FGD3: variants seen among roughly 807,000 people sequenced by gnomAD.
FGD3 encodes FYVE, RhoGEF and PH domain containing 3.
In FGD3, 45 loss-of-function variants were observed where a neutral mutation model predicts 71.8. The ratio of observed to expected loss-of-function variants is 0.63; its 90% CI spans 0.49 to 0.80. The LOEUF (loss-of-function observed/expected upper bound fraction) is 0.80. Ranked by LOEUF, FGD3 falls within the 30% of genes least tolerant of loss-of-function variation. The pLI is 0.00. For missense variants in FGD3, 844 were observed against 951.5 expected (o/e 0.89, Z 1.49); for synonymous variants, 378 against 392.8 (o/e 0.96, Z 0.44).
chr9:92,962,127 C>T (rs2118519343), intron 1 of FGD3, among the ~76,000 whole-genome samples: 1 of 152,330 alleles, frequency 6.6e-6, no homozygotes, highest in East Asian at 1.9e-4. Flanking sequence ...TCACCCCAAC[C>T]AGGGACGACA....
intron 13 of FGD3, among the ~76,000 whole-genome samples, chr9:93,021,562 C>T (rs1470256147): frequency 6.6e-6 from 1 of 152,144 alleles, no homozygotes; most frequent in African/African-American, 2.4e-5. Flanking sequence ...AGACGGTGCC[C>T]TGAACCCTAT....
In FGD3 at chr9:93,003,799, A is replaced by C. The variant is rs1476903489; in HGVS notation, c.544-202A>C. 6.6e-6 allele frequency among the ~76,000 whole-genome samples: 1 copy of C among 152,234 alleles called. No individual in the cohort carries two copies. The highest frequency in any genetic ancestry group is 1.5e-5 in the Non-Finnish European group (1 of 68,024). ...CCTGCCTCACCCACATTCGTAAGTC[A>C]TAAGTGAGCTTGCATTAAGACCATG... On this transcript the variant is annotated intron_variant, in intron 4 of 17. Transcript: ENST00000375482. The surrounding 1 kb of genome is among the most constrained non-coding windows in gnomAD (Gnocchi z 4.1).
chr9:92,964,053 G>A (rs1233947602), intron 1 of FGD3: 1 of 152,436 alleles, frequency 6.6e-6, no homozygotes, highest in African/African-American at 2.4e-5. Flanking sequence ...GTGGTTGTGG[G>A]TCCTCTGTGA....
At chr9:92,981,261 G>A (rs532785269) in intron 3 of FGD3, among the ~76,000 whole-genome samples, 17 of 151,734 alleles carry the variant, frequency 1.1e-4, no homozygotes, top group African/African-American at 3.1e-4. Flanking sequence ...CCAGCTACTC[G>A]GGAGGCTGAG....
chr9:93,010,482 G>C, intron 7 of FGD3, 98 bp downstream of exon 7: 1 of 1,313,656 alleles, frequency 7.6e-7, no homozygotes, highest in Non-Finnish European at 1.0e-6. Flanking sequence ...GGGGTCATGG[G>C]GGTAGGGGAG....
chr9:92,995,237 TTGTGAA>T (rs1304199089), intron 3 of FGD3, among the ~76,000 whole-genome samples: 1 of 152,190 alleles, frequency 6.6e-6, no homozygotes, highest in African/African-American at 2.4e-5. Context: ...TTTGAAGCAA[TTGTGAA>T]TGGGAGTTCA....
At chr9:92,966,769 C>A (rs1859343018) in intron 1 of FGD3, among the ~76,000 whole-genome samples, 1 of 152,208 alleles carries the variant, frequency 6.6e-6, no homozygotes, top group Non-Finnish European at 1.5e-5. Flanking sequence ...CCCCTGGACA[C>A]CCCCAGCTGG....
chr9:92,971,566 C>CTTTTTTTTTTTTTTTTTTTTT (rs869043960), intron 1 of FGD3, among the ~76,000 whole-genome samples: 6 of 39,570 alleles, frequency 1.5e-4, no homozygotes, highest in Non-Finnish European at 2.3e-4. Flanking sequence ...CTTTTCTTTT[C>CTTTTTTTTTTTTTTTTTTTTT]TTTTTTTTTT....
At chr9:93,022,179 C>A in intron 13 of FGD3, 148 bp from the exon 14 acceptor site, 1 of 712,936 alleles carries the variant, frequency 1.4e-6, no homozygotes, top group Non-Finnish European at 2.2e-6. Context: ...TCCCCAGAGG[C>A]ACAGCAAATC....
At chr9:93,033,103 GC>G in intron 16 of FGD3, 1 of 599,708 alleles carries the variant, frequency 1.7e-6, no homozygotes, top group Non-Finnish European at 3.1e-6. Context: ...GGAACCATTT[GC>G]ATCCAGGAGT....
At chr9:92,959,677 A>G (rs1030079560) in intron 1 of FGD3, among the ~76,000 whole-genome samples, 3 of 136,438 alleles carry the variant, frequency 2.2e-5, no homozygotes, top group Admixed American at 8.2e-5. Flanking sequence ...AGTGCATTTC[A>G]GCCTGGGCAA....
intron 3 of FGD3, among the ~76,000 whole-genome samples, chr9:92,980,791 T>A (rs1337468092): frequency 6.6e-6 from 1 of 151,106 alleles, no homozygotes; most frequent in Admixed American, 6.6e-5. Flanking sequence ...ACCAACATGG[T>A]GAAACCCTGT....
chr9:93,011,422 G>A lies in FGD3; in HGVS notation c.1035+150G>A, dbSNP rs183157392. ...TCCTTCCACCCCCATCCCCAGGGGG[G>A]TCAGCTGGACAGCCCCGCCCCTTGC... is the stretch of plus-strand genomic sequence containing the variant. On this transcript the variant is annotated intron_variant, in intron 8 of 17. Coordinates refer to ENST00000375482, the MANE Select transcript of FGD3 (RefSeq NM_001083536.2). 324 of 915,058 alleles carry A rather than the reference G, an allele frequency of 3.5e-4. 1 individual carries two copies. Among genetic ancestry groups the A allele is most frequent in the Admixed American group, 1.3e-3 (60 of 47,120 alleles). 56.7% of individuals were successfully genotyped at this position (915,058 alleles called of 1,614,324 possible).
intron 14 of FGD3, among the ~76,000 whole-genome samples, chr9:93,028,208 A>G (rs1026376383): frequency 9.7e-6 from 1 of 103,328 alleles, no homozygotes; most frequent in Non-Finnish European, 2.0e-5. Context: ...ACACACACAC[A>G]CACACACACG....
Position 93,003,984 on chromosome 9 carries a change from G to A in FGD3, c.544-17G>A. The A allele has an allele frequency of 6.2e-7, 1 of 1,613,818 alleles. No homozygotes were observed. The highest frequency in any genetic ancestry group is 8.5e-7 in the Non-Finnish European group (1 of 1,179,930). On this transcript the variant is annotated splice_polypyrimidine_tract_variant and intron_variant, in intron 4 of 17. Coordinates refer to ENST00000375482, the MANE Select transcript of FGD3 (RefSeq NM_001083536.2). This position sits in a 1 kb window ranked among gnomAD's most constrained non-coding sequence, Gnocchi z 4.1. ...GGAAGAGGCTCACTGGCCACACGTG[G>A]GCTTCTCTATGCTCAGGTTTTCTGC...
intron 2 of FGD3, among the ~76,000 whole-genome samples, chr9:92,975,951 G>C (rs1444142084): frequency 6.6e-6 from 1 of 152,150 alleles, no homozygotes; most frequent in African/African-American, 2.4e-5. Context: ...ACACCACAGG[G>C]TTAATTTTTT....
At chr9:92,968,058 C>T (rs548807149) in intron 1 of FGD3, among the ~76,000 whole-genome samples, 11 of 152,272 alleles carry the variant, frequency 7.2e-5, no homozygotes, top group African/African-American at 2.4e-4. Flanking sequence ...GAGAAACATT[C>T]TTGACTAGAT....
At chr9:92,985,218 C>A (rs1220057392) in intron 3 of FGD3, among the ~76,000 whole-genome samples, 1 of 152,188 alleles carries the variant, frequency 6.6e-6, no homozygotes, top group African/African-American at 2.4e-5. Flanking sequence ...GGAGGAGTGT[C>A]CTTAGGGAAA....
At chr9:93,033,281 CCTCCTCCTCCTCCCCGTCCCCTT>C (rs772239892) in intron 16 of FGD3, 32,410 of 229,770 alleles carry the variant, frequency 0.14, 5,003 homozygotes, top group African/African-American at 0.31. Flanking sequence ...GCAGGCACCC[CCTCCTCCTCCTCCCCGTCCCCTT>C]CTCCTCCTCC....
Sources: gnomAD v4.1 joint callset for allele counts (sites outside exome capture counted in the v4.1 genomes callset) on GRCh38, gnomAD v4.1.1 for gene constraint, Gnocchi (gnomAD v3.1) non-coding constraint, MANE v1.5 for transcripts, NCBI Gene and HGNC (gene_info 2026-07-23, HGNC 2026-07-21) for gene names.